The following CERS1 variants were observed in gnomAD, a reference collection of about 807,000 sequenced individuals.
The protein encoded by CERS1 is Embryonic growth/differentiation factor 1.
CERS1 carries 16 observed loss-of-function variants against 35.7 expected under a neutral mutation model. That is an observed-to-expected ratio of 0.45 (90% CI 0.30 to 0.68). The LOEUF (loss-of-function observed/expected upper bound fraction) is 0.68, where lower values mean the gene tolerates loss of function less well. Ranked by LOEUF, CERS1 falls within the 30% of genes least tolerant of loss-of-function variation. The pLI is 0.08. For synonymous variants in CERS1, 243 were observed against 201.6 expected (o/e 1.21, Z -1.74); for missense variants, 454 against 453.9 (o/e 1.00, Z 0.00).
chr19:18,887,035 C>G (rs1046398163), intron 2 of CERS1, among the ~76,000 whole-genome samples: 1 of 152,220 alleles, frequency 6.6e-6, no homozygotes, highest in African/African-American at 2.4e-5. Flanking sequence ...CAATGGAAAA[C>G]GGGGACTCAA....
rs1177139724 is a variant in CERS1, at chr19:18,893,633, T to C, written c.250-58A>G. 6.5e-6 allele frequency: 10 copies of C among 1,534,754 alleles called. No homozygotes were observed. The African/African-American group carries it at 1.2e-4, about 19-fold the overall frequency. On this transcript the variant is annotated intron_variant, in intron 1 of 7. Coordinates refer to ENST00000623882, the MANE Select transcript of CERS1 (RefSeq NM_021267.5). ...GTGCTGGGGGCCAGAGACTGCTCCTTTGGGGTGGGGAAACTGAGGCCCAGG... is the reference window on the plus strand; with the variant it reads ...GTGCTGGGGGCCAGAGACTGCTCCTCTGGGGTGGGGAAACTGAGGCCCAGG...
rs2055941159 is a variant in CERS1, at chr19:18,870,171, C to T, written c.*406G>A. ...CCTGGGGGCACCCTGGGGCTCATCGCGCAGTCCTAGAGCCTGGAGCAGGGC... is the reference window on the plus strand; with the variant it reads ...CCTGGGGGCACCCTGGGGCTCATCGTGCAGTCCTAGAGCCTGGAGCAGGGC... On this transcript the variant is annotated 3_prime_UTR_variant, in exon 7 of 8. Transcript: ENST00000623882. This position sits in a 1 kb window ranked among gnomAD's most constrained non-coding sequence, Gnocchi z 5.1. 6.4e-7 allele frequency: 1 copy of T among 1,561,418 alleles called. No homozygotes were observed. Among genetic ancestry groups the T allele is most frequent in the Middle Eastern group, 1.8e-4 (1 of 5,636 alleles).
intron 2 of CERS1, among the ~76,000 whole-genome samples, chr19:18,886,212 C>T (rs371232090): frequency 6.6e-6 from 1 of 151,760 alleles, no homozygotes; most frequent in African/African-American, 2.4e-5. Flanking sequence ...TCGAGACCAG[C>T]CTGGACAACA....
In CERS1 at chr19:18,880,455, AGAG is replaced by A; in HGVS notation, c.591-23_591-21del. On this transcript the variant is annotated intron_variant, in intron 3 of 7. Transcript: ENST00000623882. ...TGGTACCTGGGGGAGCAGCAGGCAG[AGAG>A]GAGAGGGCAGCTCACATTGGGGGAC... is the stretch of plus-strand genomic sequence containing the variant. 1 of 1,568,068 alleles carries A rather than the reference AGAG, an allele frequency of 6.4e-7. No homozygotes were observed. The highest frequency in any genetic ancestry group is 2.3e-5 in the East Asian group (1 of 43,326).
intron 6 of CERS1, among the ~76,000 whole-genome samples, chr19:18,872,192 ATCAGAGCTTTCCTGCTGAT>A (rs2145993548): frequency 6.6e-6 from 1 of 152,308 alleles, no homozygotes; most frequent in South Asian, 2.1e-4. Context: ...GGGGCTTTTT[ATCAGAGCTTTCCTGCTGAT>A]TCTTGTTTGT....
intron 1 of CERS1, among the ~76,000 whole-genome samples, chr19:18,894,963 TCCTGCCACAGCGACCCCTCC>T (rs2056589907): frequency 6.6e-6 from 1 of 152,168 alleles, no homozygotes; most frequent in African/African-American, 2.4e-5. Context: ...TCCAACCAGC[TCCTGCCACAGCGACCCCTCC>T]CCAGGGAAGT....
intron 3 of CERS1, among the ~76,000 whole-genome samples, chr19:18,882,503 A>C (rs2056237065): frequency 6.6e-6 from 1 of 151,036 alleles, no homozygotes; most frequent in South Asian, 2.1e-4. Flanking sequence ...GTGATGTCAT[A>C]CCCCTGTAAT....
At position 18,895,555 on chromosome 19, in the gene CERS1, G is replaced by C. The variant is rs562617735; in HGVS notation, c.249+269C>G. On this transcript the variant is annotated intron_variant, in intron 1 of 7. Transcript: ENST00000623882. This position sits in a 1 kb window ranked among gnomAD's most constrained non-coding sequence, Gnocchi z 6.4. The stretch of plus-strand genomic sequence containing the variant: ...CCTGTCTCGGGCCCCCCATGTCCCA[G>C]ACTCACCCCAGCCCGGCCACACCCC... 2.0e-5 allele frequency among the ~76,000 whole-genome samples: 3 copies of C among 151,648 alleles called. No individual in the cohort carries two copies. The highest frequency in any genetic ancestry group is 7.3e-5 in the African/African-American group (3 of 41,310).
At chr19:18,879,934 C>G (rs1341098218) in intron 4 of CERS1, among the ~76,000 whole-genome samples, 2 of 151,920 alleles carry the variant, frequency 1.3e-5, no homozygotes, top group East Asian at 2.0e-4. Context: ...TTGGCCCCAC[C>G]CCTGGCTTGC....
At chr19:18,884,296 GC>G in intron 2 of CERS1, 29 bp from the exon 3 acceptor site, 1 of 1,585,640 alleles carries the variant, frequency 6.3e-7, no homozygotes, top group Non-Finnish European at 8.6e-7. Context: ...CACAGTCAGG[GC>G]CCTGCGAAGC....
At chr19:18,884,659 G>T (rs2056305405) in intron 2 of CERS1, among the ~76,000 whole-genome samples, 1 of 148,776 alleles carries the variant, frequency 6.7e-6, no homozygotes, top group Admixed American at 6.7e-5. Flanking sequence ...CACCTGCCTC[G>T]GCCTCCCAAA....
intron 6 of CERS1, among the ~76,000 whole-genome samples, chr19:18,871,357 G>C (rs2055967320): frequency 6.6e-6 from 1 of 151,570 alleles, no homozygotes; most frequent in Admixed American, 6.6e-5. Context: ...CTCCTGAGTA[G>C]TGTGGTGGCA....
Position 18,869,242 on chromosome 19 carries a change from G to GGCTGCC in CERS1, c.*737_*742dup. 1.4e-6 allele frequency: 2 copies of GGCTGCC among 1,420,244 alleles called. No individual in the cohort carries two copies. 88.0% of individuals were successfully genotyped at this position (1,420,244 alleles called of 1,614,324 possible). Reference sequence around the variant, plus strand: ...CGCTCAGCTCCCAGCCGCCCTCCGGGGCTGCCGCCGCCGCCGCCGCGAAAC... The same window carrying GGCTGCC: ...CGCTCAGCTCCCAGCCGCCCTCCGGGGCTGCCGCTGCCGCCGCCGCCGCCGCGAAAC... On this transcript the variant is annotated 3_prime_UTR_variant, in exon 8 of 8. Transcript: ENST00000623882.
At chr19:18,879,156 C>T in intron 5 of CERS1, 85 bp downstream of exon 5, 1 of 1,596,714 alleles carries the variant, frequency 6.3e-7, no homozygotes, top group Non-Finnish European at 8.5e-7. Context: ...CCTAACGTGC[C>T]CCTCCCCGGG....
chr19:18,870,440 AG>A lies in CERS1; in HGVS notation c.*136del. On this transcript the variant is annotated 3_prime_UTR_variant, in exon 7 of 8. Coordinates refer to ENST00000623882, the MANE Select transcript of CERS1 (RefSeq NM_021267.5). The surrounding 1 kb of genome is among the most constrained non-coding windows in gnomAD (Gnocchi z 5.1). ...GTGGCCGGGAACTGGAGGCAGGATG[AG>A]GGGGCGGGGTCCCAGGGGAGGTGGC... 1 of 464,538 alleles carries A rather than the reference AG, an allele frequency of 2.2e-6. No homozygotes were observed. The highest frequency in any genetic ancestry group is 3.0e-5 in the South Asian group (1 of 33,370). The allele number at this position is 464,538 out of a possible 1,614,324, so 28.8% of individuals were successfully genotyped here.
chr19:18,870,462 G>C lies in CERS1; in HGVS notation c.*115C>G. 1 of 759,226 alleles carries C rather than the reference G, an allele frequency of 1.3e-6. No individual in the cohort carries two copies. The highest frequency in any genetic ancestry group is 2.1e-6 in the Non-Finnish European group (1 of 465,604). 47.0% of individuals were successfully genotyped at this position (759,226 alleles called of 1,614,324 possible). On this transcript the variant is annotated 3_prime_UTR_variant, in exon 7 of 8. Transcript: ENST00000623882. The surrounding 1 kb of genome is among the most constrained non-coding windows in gnomAD (Gnocchi z 5.1). ...ATGAGGGGGCGGGGTCCCAGGGGAG[G>C]TGGCGGCGGCCCTAGAGGAGCAGAG... is the stretch of plus-strand genomic sequence containing the variant.
At chr19:18,893,798 T>G (rs1423955661) in intron 1 of CERS1, among the ~76,000 whole-genome samples, 8 of 138,312 alleles carry the variant, frequency 5.8e-5, no homozygotes, top group African/African-American at 1.4e-4. Context: ...GGGAGGGGAG[T>G]GAGGGGGGAG....
rs1478065936 is a variant in CERS1, at chr19:18,878,290, C to T, written c.1010+640G>A. The stretch of plus-strand genomic sequence containing the variant: ...GTTTGGCCTCCGTTCATCCCTGGCC[C>T]AGACACCCCCTGCCTGCCCCAGGCC... On this transcript the variant is annotated intron_variant, in intron 6 of 7. Coordinates refer to ENST00000623882, the MANE Select transcript of CERS1 (RefSeq NM_021267.5). This position sits in a 1 kb window ranked among gnomAD's most constrained non-coding sequence, Gnocchi z 4.6. 1.0e-6 allele frequency: 1 copy of T among 985,914 alleles called. No individual in the cohort carries two copies. Among genetic ancestry groups the T allele is most frequent in the African/African-American group, 1.7e-5 (1 of 57,172 alleles). The allele number at this position is 985,914 out of a possible 1,614,324, so 61.1% of individuals were successfully genotyped here.
chr19:18,875,831 AGCAAT>A (rs1316064374), intron 6 of CERS1, among the ~76,000 whole-genome samples: 4 of 152,316 alleles, frequency 2.6e-5, no homozygotes, highest in Admixed American at 2.6e-4. Context: ...CTGAGACTGG[AGCAAT>A]GCAGCCATAA....
Sources: gnomAD v4.1 joint callset for allele counts (sites outside exome capture counted in the v4.1 genomes callset) on GRCh38, gnomAD v4.1.1 for gene constraint, Gnocchi (gnomAD v3.1) non-coding constraint, MANE v1.5 for transcripts, NCBI Gene and HGNC (gene_info 2026-07-23, HGNC 2026-07-21) for gene names.